Variants in CABLES2 observed in about 807,000 individuals in gnomAD.
CABLES2 encodes the protein Cdk5 and Abl enzyme substrate 2, also known as CDK5 and ABL1 enzyme substrate 2.
A neutral mutation model predicts 44.8 loss-of-function variants in CABLES2; 35 were observed. The ratio of observed to expected loss-of-function variants is 0.78; its 90% confidence interval spans 0.60 to 1.04. CABLES2 has a LOEUF of 1.04. Among genes scored for constraint, CABLES2 ranks in the 50% least tolerant of loss-of-function variants. The probability of loss-of-function intolerance (pLI) is 0.00; values close to 1 mark genes in which losing one functional copy is unlikely to be tolerated. For synonymous variants in CABLES2, 282 were observed against 281.1 expected (o/e 1.00, Z -0.03); for missense variants, 566 against 615.7 (o/e 0.92, Z 0.85).
chr20:62,398,271 CGGTGGT>C (rs72320666), intron 1 of CABLES2, among the ~76,000 whole-genome samples: 22 of 95,234 alleles, frequency 2.3e-4, no homozygotes, highest in Non-Finnish European at 4.1e-4. Flanking sequence ...ATGGTGATGG[CGGTGGT>C]GGTGGTGGTG....
rs1324941895 is a variant in CABLES2, at chr20:62,396,075, A to G, written c.527+240T>C. ...TGCTGGAGGCTAGTGTCCACGTGTG[A>G]CCCTTCACCTGGGAGCCCAGAGAGG... On this transcript the variant is annotated intron_variant, in intron 3 of 9. Coordinates refer to ENST00000279101, the MANE Select transcript of CABLES2 (RefSeq NM_031215.3). The surrounding 1 kb of genome is among the most constrained non-coding windows in gnomAD (Gnocchi z 5.7). Among the ~76,000 whole-genome samples, 2 of 152,060 alleles carry G rather than the reference A, an allele frequency of 1.3e-5. No individual in the cohort carries two copies. Among genetic ancestry groups the G allele is most frequent in the Non-Finnish European group, 2.9e-5 (2 of 68,014 alleles).
In CABLES2 at chr20:62,391,437, G is replaced by C. The variant is rs756963039; in HGVS notation, c.1108C>G (p.Arg370Gly). Reference sequence around the variant, plus strand: ...AGGCTGCACTCCTCCGACAGGCTCCGCATCTCCCGCTTTAAGCTGTGGGTT... The same window carrying C: ...AGGCTGCACTCCTCCGACAGGCTCCCCATCTCCCGCTTTAAGCTGTGGGTT... ...SKIRSLKREM[R>G]SLSEECSLEP... is the part of the protein sequence containing the mutation. The change falls in exon 9 of 10, where the codon CGG becomes GGG. Residue 370 changes from arginine (R) to glycine (G), a missense_variant. This residue lies in a region of CABLES2 where 436 missense variants were observed against 536.3 expected (regional missense o/e 0.81). Coordinates refer to ENST00000279101, the MANE Select transcript of CABLES2 (RefSeq NM_031215.3). This position sits in a 1 kb window ranked among gnomAD's most constrained non-coding sequence, Gnocchi z 5.7. 1.9e-6 allele frequency: 3 copies of C among 1,613,078 alleles called. No homozygotes were observed. Among genetic ancestry groups the C allele is most frequent in the South Asian group, 1.1e-5 (1 of 91,086 alleles).
intron 3 of CABLES2, among the ~76,000 whole-genome samples, chr20:62,395,562 ACT>A (rs1465354047): frequency 6.6e-6 from 1 of 152,152 alleles, no homozygotes; most frequent in Non-Finnish European, 1.5e-5. Context: ...GGCAGAAGCC[ACT>A]GTTTCTCCTC....
rs749772048 is a variant in CABLES2, at chr20:62,393,074, C to T, written c.881-51G>A. Reference sequence around the variant, plus strand: ...ACCAGGAGTCTTGAGCAGTACCCATCTAGCCCCAAGGCCTGGCAGGCCAGC... The same window carrying T: ...ACCAGGAGTCTTGAGCAGTACCCATTTAGCCCCAAGGCCTGGCAGGCCAGC... On this transcript the variant is annotated intron_variant, in intron 6 of 9. Transcript: ENST00000279101. 1.6e-5 allele frequency: 25 copies of T among 1,522,088 alleles called. No homozygotes were observed. The East Asian group carries it at 4.5e-4, about 28-fold the overall frequency. 94.3% of individuals were successfully genotyped at this position (1,522,088 alleles called of 1,614,324 possible).
rs1379054205 is a variant in CABLES2 at position 62,390,879 on chromosome 20, G to C, written c.*92C>G. 5 of 1,488,030 alleles carry C rather than the reference G, an allele frequency of 3.4e-6. No homozygotes were observed. The highest frequency in any genetic ancestry group is 4.6e-6 in the Non-Finnish European group (5 of 1,080,648). 92.2% of individuals were successfully genotyped at this position (1,488,030 alleles called of 1,614,324 possible). A position where few individuals can be genotyped will look rare whatever the true frequency, so the allele number is the denominator to read the frequency against. On this transcript the variant is annotated 3_prime_UTR_variant, in exon 10 of 10. Transcript: ENST00000279101. ...GTGCCTCCTGCTAGCAGGTGCTGGGGGTGCTGGCAGGAGGAGGCGCGGGGC... is the reference window on the plus strand; with the variant it reads ...GTGCCTCCTGCTAGCAGGTGCTGGGCGTGCTGGCAGGAGGAGGCGCGGGGC...
chr20:62,398,205 A>ATGATGGTGATGGTGG (rs1569017882), intron 1 of CABLES2, among the ~76,000 whole-genome samples: 1 of 86,168 alleles, frequency 1.2e-5, no homozygotes, highest in Non-Finnish European at 2.2e-5. Context: ...GATGGTGGTG[A>ATGATGGTGATGGTGG]TGGTGATGTG....
At chr20:62,406,425 G>A (rs1988285894) in intron 1 of CABLES2, among the ~76,000 whole-genome samples, 1 of 144,372 alleles carries the variant, frequency 6.9e-6, no homozygotes, top group Non-Finnish European at 1.5e-5. Flanking sequence ...GGGTCTCAGG[G>A]GTAATAAGGG....
chr20:62,394,909 G>T (rs774682016), intron 4 of CABLES2, 28 bp downstream of exon 4: 1 of 1,601,448 alleles, frequency 6.2e-7, no homozygotes, highest in Admixed American at 1.7e-5. Flanking sequence ...GATGGACACC[G>T]CATGCGAGGC....
chr20:62,393,739 G>C (rs1987963479), intron 5 of CABLES2, 134 bp from the exon 6 acceptor site: 1 of 919,592 alleles, frequency 1.1e-6, no homozygotes, highest in East Asian at 2.6e-5. Context: ...CTCAGATCAA[G>C]CCGTTGAGGC....
chr20:62,406,880 G>A (rs534532259), intron 1 of CABLES2, 35 bp downstream of exon 1: 25 of 1,138,888 alleles, frequency 2.2e-5, no homozygotes, highest in Middle Eastern at 6.6e-4. Flanking sequence ...CCTGTACCCC[G>A]CGTCCTGGGC....
At position 62,391,558 on chromosome 20, in the gene CABLES2, G is replaced by T; in HGVS notation, c.1092-105C>A. The T allele has an allele frequency of 8.8e-7, 1 of 1,137,676 alleles. No homozygotes were observed. Among genetic ancestry groups the T allele is most frequent in the Non-Finnish European group, 1.3e-6 (1 of 766,318 alleles). The allele number at this position is 1,137,676 out of a possible 1,614,324, so 70.5% of individuals were successfully genotyped here. On this transcript the variant is annotated intron_variant, in intron 8 of 9. Coordinates refer to ENST00000279101, the MANE Select transcript of CABLES2 (RefSeq NM_031215.3). This position sits in a 1 kb window ranked among gnomAD's most constrained non-coding sequence, Gnocchi z 5.7. Reference sequence around the variant, plus strand: ...GGCTGGAGCGATGTAGCTTTGGGCCGCAAGAAACACCACCGCATCCTTCAG... The same window carrying T: ...GGCTGGAGCGATGTAGCTTTGGGCCTCAAGAAACACCACCGCATCCTTCAG...
intron 1 of CABLES2, among the ~76,000 whole-genome samples, chr20:62,398,202 G>GGTGGTGGTGATGGTGA (rs879730947): frequency 0.16 from 17,933 of 112,172 alleles, 1,997 homozygotes; most frequent in Middle Eastern, 0.24. Context: ...GATGATGGTG[G>GGTGGTGGTGATGGTGA]TGATGGTGAT....
In CABLES2 at chr20:62,391,537, G is replaced by A. The variant is rs1422154105; in HGVS notation, c.1092-84C>T. ...CCCCCTGCCACCACCAACCGAGGCTGGAGCGATGTAGCTTTGGGCCGCAAG... is the reference window on the plus strand; with the variant it reads ...CCCCCTGCCACCACCAACCGAGGCTAGAGCGATGTAGCTTTGGGCCGCAAG... On this transcript the variant is annotated intron_variant, in intron 8 of 9. Transcript: ENST00000279101. The surrounding 1 kb of genome is among the most constrained non-coding windows in gnomAD (Gnocchi z 5.7). The A allele has an allele frequency of 4.3e-5, 60 of 1,410,494 alleles. No individual in the cohort carries two copies. The highest frequency in any genetic ancestry group is 5.8e-5 in the Non-Finnish European group (58 of 1,003,892). The allele number at this position is 1,410,494 out of a possible 1,614,324, so 87.4% of individuals were successfully genotyped here.
intron 1 of CABLES2, chr20:62,405,403 CCCTCTGCCCCAATCATCCCTCTGACCCT>C (rs1260776977): frequency 1.3e-5 from 2 of 152,322 alleles, no homozygotes; most frequent in African/African-American, 4.8e-5. Flanking sequence ...GCAAATCCAT[CCCTCTGCCCCAATCATCCCTCTGACCCT>C]CCCTGGAGCA....
chr20:62,392,860 G>A, intron 7 of CABLES2, 60 bp downstream of exon 7: 1 of 1,473,888 alleles, frequency 6.8e-7, no homozygotes, highest in Non-Finnish European at 9.5e-7. Flanking sequence ...TGCCCCACAC[G>A]CCCCGAGCCA....
chr20:62,397,965 G>GCGGTGA (rs1207805027), intron 1 of CABLES2, among the ~76,000 whole-genome samples: 5 of 104,686 alleles, frequency 4.8e-5, no homozygotes, highest in Non-Finnish European at 8.3e-5. Context: ...GGTGGTGATG[G>GCGGTGA]TGGTGACAGT....
At chr20:62,392,845 C>T (rs1987944416) in intron 7 of CABLES2, 75 bp downstream of exon 7, 1 of 1,355,610 alleles carries the variant, frequency 7.4e-7, no homozygotes, top group South Asian at 1.2e-5. Flanking sequence ...GCTTTGCCCA[C>T]AGCCTGCCCC....
Position 62,396,864 on chromosome 20 carries a change from C to T in CABLES2, c.363-272G>A, listed in dbSNP as rs759665880. On this transcript the variant is annotated intron_variant, in intron 1 of 9. Coordinates refer to ENST00000279101, the MANE Select transcript of CABLES2 (RefSeq NM_031215.3). This position sits in a 1 kb window ranked among gnomAD's most constrained non-coding sequence, Gnocchi z 5.7. ...GCTCCTCAGGCATAGGATAGCACAGCACAGCACAGCACGCCAACCTGCCCT... is the reference window on the plus strand; with the variant it reads ...GCTCCTCAGGCATAGGATAGCACAGTACAGCACAGCACGCCAACCTGCCCT... 4.6e-5 allele frequency among the ~76,000 whole-genome samples: 7 copies of T among 152,152 alleles called. No individual in the cohort carries two copies. Among genetic ancestry groups the T allele is most frequent in the Non-Finnish European group, 1.0e-4 (7 of 68,022 alleles).
chr20:62,398,089 CGGTGGT>C (rs1376860164), intron 1 of CABLES2, among the ~76,000 whole-genome samples: 2 of 54,854 alleles, frequency 3.6e-5, no homozygotes, highest in Admixed American at 1.8e-4. Flanking sequence ...GTGGTGGTGA[CGGTGGT>C]GGTGGTGGTG....
Sources: gnomAD v4.1 joint callset for allele counts (sites outside exome capture counted in the v4.1 genomes callset) on GRCh38, gnomAD v4.1.1 for gene constraint, gnomAD v4.1.1 regional missense constraint, Gnocchi (gnomAD v3.1) non-coding constraint, MANE v1.5 for transcripts, NCBI Gene and HGNC (gene_info 2026-07-23, HGNC 2026-07-21) for gene names.